Variants in CIT observed in about 807,000 individuals in gnomAD.
CIT encodes the protein citron Rho-interacting kinase.
A neutral mutation model predicts 272.7 loss-of-function variants in CIT; 79 were observed. The ratio of observed to expected loss-of-function variants is 0.29; its 90% confidence interval spans 0.24 to 0.35. The LOEUF (loss-of-function observed/expected upper bound fraction) is 0.35. CIT is among the 10% of genes least tolerant of loss of function. CIT has a pLI of 1.00. For missense variants in CIT, 1,909 were observed against 2,618.3 expected, an observed-to-expected ratio of 0.73 and a Z score of 5.91; for synonymous variants, 948 against 995.6, an observed-to-expected ratio of 0.95 and a Z score of 0.90.
At chr12:119,750,331 T>G (rs1337603302) in intron 23 of CIT, among the ~76,000 whole-genome samples, 1 of 152,226 alleles carries the variant, frequency 6.6e-6, no homozygotes, top group Non-Finnish European at 1.5e-5. Context: ...CCTAGCTCCA[T>G]TTTTTCTTCT....
intron 8 of CIT, 98 bp downstream of exon 8, chr12:119,825,067 C>T (rs1034411543): frequency 7.5e-5 from 78 of 1,040,350 alleles, no homozygotes; most frequent in Non-Finnish European, 7.5e-5. Flanking sequence ...CCCAAAGTGC[C>T]GGGATTACAG....
chr12:119,835,102 G>A (rs749877853), intron 5 of CIT, among the ~76,000 whole-genome samples: 1 of 152,208 alleles, frequency 6.6e-6, no homozygotes, highest in Admixed American at 6.5e-5. Context: ...CAAGTAAAAT[G>A]TTTGATTAGC....
intron 26 of CIT, among the ~76,000 whole-genome samples, chr12:119,733,426 TG>T (rs2137243085): frequency 7.2e-6 from 1 of 139,472 alleles, no homozygotes; most frequent in South Asian, 2.2e-4. Context: ...CCCAGCTACT[TG>T]GGAGGCTGAA....
chr12:119,723,767 T>C (rs1957938681), intron 28 of CIT, among the ~76,000 whole-genome samples: 1 of 152,138 alleles, frequency 6.6e-6, no homozygotes, highest in Non-Finnish European at 1.5e-5. Flanking sequence ...AGCAAACTTG[T>C]GGAAGGGCAG....
chr12:119,752,630 TTTCAA>T (rs1960408942), intron 22 of CIT, among the ~76,000 whole-genome samples: 1 of 152,240 alleles, frequency 6.6e-6, no homozygotes, highest in African/African-American at 2.4e-5. Flanking sequence ...AAGGACATCT[TTTCAA>T]TTCGATTGTA....
intron 9 of CIT, among the ~76,000 whole-genome samples, chr12:119,811,046 C>T (rs571046991): frequency 3.3e-5 from 5 of 152,186 alleles, no homozygotes; most frequent in South Asian, 2.1e-4. Flanking sequence ...AGTTCAAGAC[C>T]GGGCCTGGTG....
chr12:119,872,827 C>T (rs555691055), intron 2 of CIT, among the ~76,000 whole-genome samples: 5 of 152,218 alleles, frequency 3.3e-5, no homozygotes, highest in Admixed American at 6.5e-5. Context: ...AACAGGGTCT[C>T]GTTCTGTTGC....
intron 44 of CIT, chr12:119,699,673 T>C (rs540209191): frequency 5.1e-6 from 2 of 395,084 alleles, no homozygotes; most frequent in South Asian, 3.7e-5. Context: ...CCAGCACTCA[T>C]TGCGTGCCAT....
chr12:119,695,794 A>G (rs75899293), intron 46 of CIT, among the ~76,000 whole-genome samples: 5 of 152,124 alleles, frequency 3.3e-5, no homozygotes, highest in Non-Finnish European at 1.5e-5. Context: ...CCAAAAAAAA[A>G]GTAGGGGGAG....
rs1423499731 is a variant in CIT, at chr12:119,714,293, G to A, written c.4210C>T (p.Pro1404Ser). The A allele has an allele frequency of 1.2e-6, 2 of 1,613,996 alleles. No homozygotes were observed. The highest frequency in any genetic ancestry group is 1.3e-5 in the African/African-American group (1 of 74,898). Residue 1404 changes from proline to serine, a missense_variant, in exon 33 of 48, where the codon CCT becomes TCT. This residue lies in a region of CIT where 780 missense variants were observed against 1,067.2 expected (regional missense o/e 0.73). Coordinates refer to ENST00000392521, the MANE Select transcript of CIT (RefSeq NM_001206999.2). ...RLKERMHHNI[P>S]HRFNVGLNMR... ...TTCAGTCCTACGTTGAATCGGTGAG[G>A]AATATTGTGGTGCATGCGTTCCTTA...
Position 119,804,530 on chromosome 12 carries a change from A to G in CIT, c.1112-1141T>C, listed in dbSNP as rs560788422. 1.8e-5 allele frequency: 18 copies of G among 974,770 alleles called. No homozygotes were observed. The African/African-American group carries it at 2.3e-4, about 12-fold the overall frequency. 60.4% of individuals were successfully genotyped at this position (974,770 alleles called of 1,614,324 possible). A position where few individuals can be genotyped will look rare whatever the true frequency, so the allele number is the denominator to read the frequency against. On this transcript the variant is annotated intron_variant, in intron 9 of 47. Transcript: ENST00000392521. This position sits in a 1 kb window ranked among gnomAD's most constrained non-coding sequence, Gnocchi z 5.3. ...GAGTCACTGCCCGCCAGGGCTCGCT[A>G]GAGCTCCCCCTAGGACAGTTGTCAC...
intron 21 of CIT, 93 bp from the exon 22 acceptor site, chr12:119,757,638 A>G: frequency 2.7e-6 from 4 of 1,480,692 alleles, no homozygotes; most frequent in Non-Finnish European, 3.7e-6. Context: ...GGAGTTAGAC[A>G]TGTCTCCTCA....
intron 5 of CIT, among the ~76,000 whole-genome samples, chr12:119,846,601 G>A (rs372815838): frequency 1.1e-3 from 172 of 152,230 alleles, no homozygotes; most frequent in Non-Finnish European, 1.8e-3. Context: ...TGTAGAGCTC[G>A]AATTAAAATA....
At chr12:119,803,136 C>A (rs1593805847) in intron 10 of CIT, 70 bp downstream of exon 10, 2 of 440,264 alleles carry the variant, frequency 4.5e-6, no homozygotes, top group Admixed American at 4.1e-5. Flanking sequence ...CCCACCCCCC[C>A]ACCACCACCT....
At chr12:119,732,339 G>A (rs564342064) in intron 26 of CIT, among the ~76,000 whole-genome samples, 6 of 152,188 alleles carry the variant, frequency 3.9e-5, no homozygotes, top group South Asian at 2.1e-4. Flanking sequence ...ATGTATGGTC[G>A]TGTATTTCTT....
intron 10 of CIT, among the ~76,000 whole-genome samples, chr12:119,797,379 A>G (rs1258156013): frequency 6.6e-6 from 1 of 152,224 alleles, no homozygotes; most frequent in Non-Finnish European, 1.5e-5. Context: ...GAATAAGGCA[A>G]GTAGGAGAAC....
intron 23 of CIT, among the ~76,000 whole-genome samples, chr12:119,749,936 T>C (rs12810836): frequency 2.0e-5 from 3 of 152,144 alleles, no homozygotes; most frequent in African/African-American, 7.2e-5. Context: ...AGGGCCAGGA[T>C]AAGATACACA....
intron 5 of CIT, among the ~76,000 whole-genome samples, chr12:119,836,284 TAAAAAA>T (rs201559880): frequency 9.2e-4 from 39 of 42,256 alleles, no homozygotes; most frequent in African/African-American, 3.3e-3. Context: ...AGACTCCATC[TAAAAAA>T]AAAAAAAAAA....
At position 119,713,249 on chromosome 12, in the gene CIT, G is replaced by A; in HGVS notation, c.4533C>T (p.Val1511=). 2.5e-6 allele frequency: 4 copies of A among 1,614,124 alleles called. No homozygotes were observed. The highest frequency in any genetic ancestry group is 3.4e-6 in the Non-Finnish European group (4 of 1,179,986). Residue 1511 remains valine (V), a synonymous_variant, in exon 35 of 48, where the codon GTC becomes GTT. Transcript: ENST00000392521. This position sits in a 1 kb window ranked among gnomAD's most constrained non-coding sequence, Gnocchi z 5.2. ...AAATGAGGACTTTTGATCCCTCCAG[G>A]ACAATGTACTTCCTGTCCCAGCCTT... ...GQQGWDRKYI[V]LEGSKVLIYD...
Sources: gnomAD v4.1 joint callset for allele counts (sites outside exome capture counted in the v4.1 genomes callset) on GRCh38, gnomAD v4.1.1 for gene constraint, gnomAD v4.1.1 regional missense constraint, Gnocchi (gnomAD v3.1) non-coding constraint, MANE v1.5 for transcripts, NCBI Gene and HGNC (gene_info 2026-07-23, HGNC 2026-07-21) for gene names.